Variants in NMBR observed in about 807,000 individuals in gnomAD.
The protein encoded by NMBR is neuromedin B receptor, also known as neuromedin-B receptor.
NMBR carries 16 observed loss-of-function variants against 20.5 expected under a neutral mutation model. The observed-to-expected ratio is 0.78, with a 90% CI of 0.53 to 1.19. The LOEUF (loss-of-function observed/expected upper bound fraction) is 1.19, where lower values mean the gene tolerates loss of function less well. NMBR is among the 50% of genes most tolerant of loss of function. The probability of loss-of-function intolerance (pLI) is 0.00; values close to 1 mark genes in which losing one functional copy is unlikely to be tolerated. For synonymous variants in NMBR, 212 were observed against 196.6 expected, an observed-to-expected ratio of 1.08 and a Z score of -0.65; for missense variants, 582 against 499.1, an observed-to-expected ratio of 1.17 and a Z score of -1.58.
chr6:142,144,620 T>A (rs948472848), intron 1 of NMBR, among the ~76,000 whole-genome samples: 73 of 152,288 alleles, frequency 4.8e-4, no homozygotes, highest in African/African-American at 1.7e-3. Flanking sequence ...TCTAGTAAAA[T>A]ATCATAGTAA....
At chr6:142,132,865 G>A (rs1778169469) in intron 1 of NMBR, among the ~76,000 whole-genome samples, 1 of 151,966 alleles carries the variant, frequency 6.6e-6, no homozygotes, top group East Asian at 1.9e-4. Flanking sequence ...GGCACTCCTG[G>A]CTGGCTGGCT....
Position 142,082,042 on chromosome 6 carries a change from A to G in NMBR, c.423-3139T>C, listed in dbSNP as rs1289138315. Among the ~76,000 whole-genome samples the G allele has an allele frequency of 2.0e-5, 3 of 152,218 alleles. No homozygotes were observed. In the South Asian group the frequency reaches 6.2e-4, roughly 31 times the overall value. On this transcript the variant is annotated intron_variant, in intron 2 of 3. Coordinates refer to ENST00000258042, the MANE Select transcript of NMBR (RefSeq NM_002511.4). ...TGTAAAGAGATAATTAAGTTTAATC[A>G]TAAAACAAAATACATAATAAAAATG...
intron 1 of NMBR, chr6:142,133,065 G>A: frequency 1.8e-6 from 1 of 569,798 alleles, no homozygotes; most frequent in Non-Finnish European, 3.2e-6. Context: ...TAAGAGTCCT[G>A]AGAGAATGTA....
intron 1 of NMBR, among the ~76,000 whole-genome samples, chr6:142,093,233 T>A (rs1562236556): frequency 6.6e-6 from 1 of 151,682 alleles, no homozygotes; most frequent in Non-Finnish European, 1.5e-5. Context: ...ACATGTGCCA[T>A]GTTGGTGTGC....
At chr6:142,097,848 C>T (rs1013410629) in intron 1 of NMBR, among the ~76,000 whole-genome samples, 1 of 151,586 alleles carries the variant, frequency 6.6e-6, no homozygotes, top group Non-Finnish European at 1.5e-5. Context: ...TAAGGAGAGA[C>T]ATGAAAAACA....
intron 1 of NMBR, among the ~76,000 whole-genome samples, chr6:142,108,745 CT>C (rs1455296054): frequency 6.6e-6 from 1 of 152,076 alleles, no homozygotes; most frequent in Non-Finnish European, 1.5e-5. Context: ...CATTCTGCCC[CT>C]GGCCCCTTCC....
chr6:142,110,191 T>A (rs2114588975), intron 1 of NMBR, among the ~76,000 whole-genome samples: 1 of 152,240 alleles, frequency 6.6e-6, no homozygotes, highest in Non-Finnish European at 1.5e-5. Flanking sequence ...AAACATAAAA[T>A]TACTACATTA....
In NMBR at chr6:142,074,673, G is replaced by A. The variant is rs1776893291; in HGVS notation, c.*975C>T. Reference sequence around the variant, plus strand: ...TACTTGTCAGTTGGGTATTGCAAGAGAGGATGAGTAAATGGTTGAACTCAC... The same window carrying A: ...TACTTGTCAGTTGGGTATTGCAAGAAAGGATGAGTAAATGGTTGAACTCAC... On this transcript the variant is annotated 3_prime_UTR_variant, in exon 4 of 4. Transcript: ENST00000258042. Among the ~76,000 whole-genome samples the A allele has an allele frequency of 1.3e-5, 2 of 152,028 alleles. 1 individual carries two copies. Among genetic ancestry groups the A allele is most frequent in the Non-Finnish European group, 2.9e-5 (2 of 67,906 alleles).
intron 1 of NMBR, among the ~76,000 whole-genome samples, chr6:142,127,791 T>G (rs1488647068): frequency 6.6e-6 from 1 of 152,008 alleles, no homozygotes; most frequent in Non-Finnish European, 1.5e-5. Flanking sequence ...GGTAGCTCAT[T>G]TTTTGTTTGT....
chr6:142,137,227 A>G (rs888668353), intron 1 of NMBR, among the ~76,000 whole-genome samples: 10 of 152,148 alleles, frequency 6.6e-5, no homozygotes, highest in African/African-American at 2.2e-4. Context: ...TGTAAGTTGG[A>G]TTCCTAGGTA....
intron 1 of NMBR, among the ~76,000 whole-genome samples, chr6:142,092,789 A>G (rs1777355163): frequency 6.6e-6 from 1 of 152,190 alleles, no homozygotes; most frequent in African/African-American, 2.4e-5. Flanking sequence ...AACAGAGAAA[A>G]GTGAGTCATA....
chr6:142,094,901 T>G (rs1351315953), intron 1 of NMBR, among the ~76,000 whole-genome samples: 2 of 152,192 alleles, frequency 1.3e-5, no homozygotes, highest in African/African-American at 4.8e-5. Flanking sequence ...GGTATTTTAT[T>G]CTCTTTGAAG....
At chr6:142,116,669 G>C (rs561242788) in intron 1 of NMBR, among the ~76,000 whole-genome samples, 1 of 152,024 alleles carries the variant, frequency 6.6e-6, no homozygotes, top group Admixed American at 6.6e-5. Flanking sequence ...TGTATCATTT[G>C]ACAACTGATA....
intron 2 of NMBR, among the ~76,000 whole-genome samples, chr6:142,082,437 G>T (rs1285576329): frequency 6.6e-6 from 1 of 152,176 alleles, no homozygotes; most frequent in African/African-American, 2.4e-5. Context: ...GACAAACGGA[G>T]ACTGAGTCTA....
intron 2 of NMBR, among the ~76,000 whole-genome samples, chr6:142,086,843 C>G (rs1254245978): frequency 6.6e-6 from 1 of 152,114 alleles, no homozygotes; most frequent in Non-Finnish European, 1.5e-5. Flanking sequence ...AATGCCATGT[C>G]TTTAGAATAA....
At chr6:142,095,035 G>A (rs1001818274) in intron 1 of NMBR, among the ~76,000 whole-genome samples, 13 of 152,212 alleles carry the variant, frequency 8.5e-5, no homozygotes, top group African/African-American at 2.2e-4. Flanking sequence ...TTGCCTATCC[G>A]CTTAAGGAGA....
Position 142,079,108 on chromosome 6 carries a change from A to AAGAGAGAGAGAG in NMBR, c.423-206_423-205insCTCTCTCTCTCT, listed in dbSNP as rs754275458. Among the ~76,000 whole-genome samples, 159 of 112,250 alleles carry AAGAGAGAGAGAG rather than the reference A, an allele frequency of 1.4e-3. 2 individuals are homozygous for AAGAGAGAGAGAG. Among genetic ancestry groups the AAGAGAGAGAGAG allele is most frequent in the Middle Eastern group, 4.1e-3 (1 of 244 alleles). The allele number at this position is 112,250 out of a possible 152,430, so 73.6% of individuals were successfully genotyped here. ...AGAAAGAGAGAAAGAGAGAGAGAGA[A>AAGAGAGAGAGAG]AGAAAGAAAGAAAGAAAGAAGAAAG... On this transcript the variant is annotated intron_variant, in intron 2 of 3. Coordinates refer to ENST00000258042, the MANE Select transcript of NMBR (RefSeq NM_002511.4).
At chr6:142,110,079 T>C (rs1290218737) in intron 1 of NMBR, among the ~76,000 whole-genome samples, 1 of 152,146 alleles carries the variant, frequency 6.6e-6, no homozygotes, top group Non-Finnish European at 1.5e-5. Context: ...AAAAAAAGTG[T>C]TGGCAAGCAT....
Position 142,093,875 on chromosome 6 carries a change from G to C in NMBR, c.-663-4554C>G, listed in dbSNP as rs575835191. ...TGGTGTGAGATGGTATCTCCTTGTG[G>C]TTTTGATTTGCATTTCTCTGATGGC... is the stretch of plus-strand genomic sequence containing the variant. On this transcript the variant is annotated intron_variant, in intron 1 of 3. Coordinates refer to ENST00000258042, the MANE Select transcript of NMBR (RefSeq NM_002511.4). Among the ~76,000 whole-genome samples the C allele has an allele frequency of 2.7e-4, 41 of 152,126 alleles. No homozygotes were observed. In the South Asian group the frequency reaches 5.6e-3, roughly 21 times the overall value.
Sources: gnomAD v4.1 joint callset for allele counts (sites outside exome capture counted in the v4.1 genomes callset) on GRCh38, gnomAD v4.1.1 for gene constraint, MANE v1.5 for transcripts, NCBI Gene and HGNC (gene_info 2026-07-23, HGNC 2026-07-21) for gene names.